The following CPEB3 variants were observed in gnomAD, a reference collection of about 807,000 sequenced individuals.
CPEB3 encodes the protein cytoplasmic polyadenylation element-binding protein 3.
In CPEB3, 20 loss-of-function variants were observed where a neutral mutation model predicts 67.2. The ratio of observed to expected loss-of-function variants is 0.30; its 90% CI spans 0.21 to 0.43. The LOEUF (loss-of-function observed/expected upper bound fraction) is 0.43. CPEB3 is among the 20% of genes least tolerant of loss of function. The probability of loss-of-function intolerance (pLI) is 1.00; values close to 1 mark genes in which losing one functional copy is unlikely to be tolerated. For synonymous variants in CPEB3, 376 were observed against 393.1 expected (o/e 0.96, Z 0.51); for missense variants, 746 against 968.6 (o/e 0.77, Z 3.05).
At chr10:92,191,573 G>T (rs951724377) in intron 3 of CPEB3, among the ~76,000 whole-genome samples, 1 of 152,020 alleles carries the variant, frequency 6.6e-6, no homozygotes, top group Non-Finnish European at 1.5e-5. Context: ...ATGAGCATCA[G>T]GTGTTCACAG....
intron 1 of CPEB3, among the ~76,000 whole-genome samples, chr10:92,290,482 G>A (rs1842812573): frequency 6.6e-6 from 1 of 152,060 alleles, no homozygotes; most frequent in African/African-American, 2.4e-5. Flanking sequence ...ATTCACCAAC[G>A]TGTTCCATTT....
intron 1 of CPEB3, among the ~76,000 whole-genome samples, chr10:92,245,972 G>A (rs1286305290): frequency 1.3e-5 from 2 of 151,568 alleles, no homozygotes; most frequent in African/African-American, 2.4e-5. Context: ...TGGGAGGTGG[G>A]GGTTGCAGTG....
At chr10:92,290,116 A>G (rs1477066801) in intron 1 of CPEB3, among the ~76,000 whole-genome samples, 1 of 152,104 alleles carries the variant, frequency 6.6e-6, no homozygotes, top group Non-Finnish European at 1.5e-5. Context: ...AAGAGCTTTA[A>G]AAACACATTT....
intron 6 of CPEB3, among the ~76,000 whole-genome samples, chr10:92,129,281 A>C (rs1421984464): frequency 6.6e-6 from 1 of 152,194 alleles, no homozygotes; most frequent in Non-Finnish European, 1.5e-5. Context: ...ATGGGAGCTA[A>C]ATGATGAGAA....
At chr10:92,211,311 A>G (rs1277807552) in intron 2 of CPEB3, among the ~76,000 whole-genome samples, 2 of 152,130 alleles carry the variant, frequency 1.3e-5, no homozygotes, top group Non-Finnish European at 2.9e-5. Flanking sequence ...AAACTCTTAC[A>G]TTGTCTTTGT....
At chr10:92,173,034 T>C (rs1366934819) in intron 4 of CPEB3, among the ~76,000 whole-genome samples, 2 of 152,194 alleles carry the variant, frequency 1.3e-5, no homozygotes, top group Non-Finnish European at 2.9e-5. Flanking sequence ...CCTCCTTCTC[T>C]CTCTTCTGAT....
intron 2 of CPEB3, among the ~76,000 whole-genome samples, chr10:92,199,391 C>CAA (rs61159896): frequency 9.2e-5 from 7 of 76,342 alleles, no homozygotes; most frequent in African/African-American, 1.5e-4. Context: ...AACTCTGTCT[C>CAA]AAAAAAAAAA....
chr10:92,275,589 T>C (rs765897945), intron 1 of CPEB3, among the ~76,000 whole-genome samples: 1 of 152,158 alleles, frequency 6.6e-6, no homozygotes, highest in Non-Finnish European at 1.5e-5. Flanking sequence ...GCTTTTAGTA[T>C]ATTCAGAGTT....
intron 2 of CPEB3, among the ~76,000 whole-genome samples, chr10:92,236,303 A>G (rs1233617878): frequency 6.6e-6 from 1 of 152,156 alleles, no homozygotes; most frequent in African/African-American, 2.4e-5. Flanking sequence ...CAGTCACTCT[A>G]CCTCTCAGGA....
chr10:92,209,998 A>G (rs1035771559), intron 2 of CPEB3, among the ~76,000 whole-genome samples: 1 of 151,832 alleles, frequency 6.6e-6, no homozygotes, highest in Admixed American at 6.6e-5. Context: ...GGAAGGAAAA[A>G]GGAGAGAGAA....
At chr10:92,163,490 A>C (rs903757783) in intron 4 of CPEB3, among the ~76,000 whole-genome samples, 1 of 152,300 alleles carries the variant, frequency 6.6e-6, no homozygotes, top group African/African-American at 2.4e-5. Context: ...TTATTTTTTG[A>C]ATCACCATTT....
chr10:92,120,746 G>A (rs1845326866), intron 6 of CPEB3, among the ~76,000 whole-genome samples: 1 of 152,026 alleles, frequency 6.6e-6, no homozygotes, highest in Non-Finnish European at 1.5e-5. Flanking sequence ...TGTTGCCCAG[G>A]TTGCAGTGCA....
intron 6 of CPEB3, among the ~76,000 whole-genome samples, chr10:92,128,114 A>C (rs1845683915): frequency 6.6e-6 from 1 of 152,238 alleles, no homozygotes; most frequent in Non-Finnish European, 1.5e-5. Flanking sequence ...ATTTTCATTT[A>C]TTTTAACTGT....
chr10:92,093,794 G>A lies in CPEB3; in HGVS notation c.1573-1850C>T, dbSNP rs1336947136. On this transcript the variant is annotated intron_variant, in intron 7 of 9. Transcript: ENST00000265997. ...TAGGATGATAGGCACGAGCCACCGC[G>A]CCTGGCCAGTCTATACATTCTTTAA... is the stretch of plus-strand genomic sequence containing the variant. Among the ~76,000 whole-genome samples the A allele has an allele frequency of 7.2e-5, 11 of 152,082 alleles. No homozygotes were observed. The South Asian group carries it at 1.0e-3, about 14-fold the overall frequency.
At position 92,112,523 on chromosome 10, in the gene CPEB3, G is replaced by A. The variant is rs556466603; in HGVS notation, c.1454-1329C>T. On this transcript the variant is annotated intron_variant, in intron 6 of 9. Coordinates refer to ENST00000265997, the MANE Select transcript of CPEB3 (RefSeq NM_014912.5). ...AATTAACTACTCACTACAAAGCTGA[G>A]GGAGATAAGTGGGGACAAAATGTGT... Among the ~76,000 whole-genome samples, 58 of 152,318 alleles carry A rather than the reference G, an allele frequency of 3.8e-4. 1 individual carries two copies. Among genetic ancestry groups the A allele is most frequent in the African/African-American group, 1.3e-3 (56 of 41,562 alleles).
chr10:92,141,794 G>A (rs1192360125), intron 6 of CPEB3, among the ~76,000 whole-genome samples: 13 of 151,062 alleles, frequency 8.6e-5, no homozygotes, highest in East Asian at 5.8e-4. Context: ...CAAGGCAGGC[G>A]GATCACGAGG....
intron 6 of CPEB3, among the ~76,000 whole-genome samples, chr10:92,134,854 A>C (rs1479609259): frequency 1.3e-5 from 2 of 151,914 alleles, no homozygotes; most frequent in African/African-American, 2.4e-5. Context: ...CTCAGAAACA[A>C]CACCACACAT....
At chr10:92,081,591 A>G in intron 8 of CPEB3, 90 bp from the exon 9 acceptor site, 1 of 1,161,062 alleles carries the variant, frequency 8.6e-7, no homozygotes, top group Non-Finnish European at 1.2e-6. Context: ...AGATCATGCA[A>G]TGTAATTAAG....
chr10:92,278,146 C>G (rs1335894993), intron 1 of CPEB3, among the ~76,000 whole-genome samples: 1 of 151,456 alleles, frequency 6.6e-6, no homozygotes, highest in African/African-American at 2.4e-5. Context: ...GATTGCGCCA[C>G]TGCACTCCAG....
Sources: gnomAD v4.1 joint callset for allele counts (sites outside exome capture counted in the v4.1 genomes callset) on GRCh38, gnomAD v4.1.1 for gene constraint, MANE v1.5 for transcripts, NCBI Gene and HGNC (gene_info 2026-07-23, HGNC 2026-07-21) for gene names.